SHPRH: variants seen among roughly 807,000 people sequenced by gnomAD.
SHPRH encodes SNF2 histone linker PHD RING helicase, also known as E3 ubiquitin-protein ligase SHPRH.
SHPRH carries 106 observed loss-of-function variants against 202.5 expected under a neutral mutation model. The observed-to-expected ratio is 0.52, with a 90% CI of 0.45 to 0.62. SHPRH has a LOEUF of 0.62. Ranked by LOEUF, SHPRH falls within the 20% of genes least tolerant of loss-of-function variation. The probability of loss-of-function intolerance (pLI) is 0.00; values close to 1 mark genes in which losing one functional copy is unlikely to be tolerated. For synonymous variants in SHPRH, 729 were observed against 686.0 expected, an observed-to-expected ratio of 1.06 and a Z score of -0.98; for missense variants, 1,710 against 2,020.0, an observed-to-expected ratio of 0.85 and a Z score of 2.94.
chr6:145,875,788 G>A (rs1780273837), intron 2 of SHPRH, among the ~76,000 whole-genome samples: 1 of 152,112 alleles, frequency 6.6e-6, no homozygotes, highest in Non-Finnish European at 1.5e-5. Flanking sequence ...ATTACAGCCC[G>A]CAATTCCAGA....
downstream of SHPRH, among the ~76,000 whole-genome samples, chr6:145,861,467 G>A (rs1779578626): frequency 6.6e-6 from 1 of 150,458 alleles, no homozygotes; most frequent in African/African-American, 2.4e-5. Context: ...TGAGAATGTA[G>A]AGAAAAGGAA....
At chr6:145,897,366 T>C (rs566547612) in intron 25 of SHPRH, among the ~76,000 whole-genome samples, 3 of 152,094 alleles carry the variant, frequency 2.0e-5, no homozygotes, top group Admixed American at 6.6e-5. Flanking sequence ...AAAAGACCAG[T>C]ATGTAGTAAC....
Position 145,893,210 on chromosome 6 carries a change from C to T in SHPRH, c.4874+5G>A. 6 of 1,485,318 alleles carry T rather than the reference C, an allele frequency of 4.0e-6. No homozygotes were observed. The highest frequency in any genetic ancestry group is 2.5e-5 in the Admixed American group (1 of 39,794). The allele number at this position is 1,485,318 out of a possible 1,614,324, so 92.0% of individuals were successfully genotyped here. On this transcript the variant is annotated splice_donor_5th_base_variant and intron_variant, in intron 28 of 29. Coordinates refer to ENST00000275233, the MANE Select transcript of SHPRH (RefSeq NM_001042683.3). ...AATGTGACTGATTCTAATTTTAGTC[C>T]TTACTTTGTCTGTCCAATTCGGTGC... is the stretch of plus-strand genomic sequence containing the variant.
intron 14 of SHPRH, among the ~76,000 whole-genome samples, chr6:145,931,146 G>A (rs922029241): frequency 6.6e-6 from 1 of 151,992 alleles, no homozygotes; most frequent in African/African-American, 2.4e-5. Flanking sequence ...TTCTTATAGA[G>A]AACATATTGA....
chr6:145,959,520 T>C (rs1788871737), intron 1 of SHPRH, among the ~76,000 whole-genome samples: 1 of 151,994 alleles, frequency 6.6e-6, no homozygotes, highest in African/African-American at 2.4e-5. Flanking sequence ...ACTCTTAAGA[T>C]GTTCACACAA....
intron 25 of SHPRH, chr6:145,905,207 G>A (rs1294549599): frequency 1.3e-5 from 2 of 152,302 alleles, no homozygotes; most frequent in East Asian, 1.9e-4. Flanking sequence ...CCCTTGAGAT[G>A]CTGTGGCCAG....
At chr6:145,922,413 G>A in intron 19 of SHPRH, 65 bp from the exon 20 acceptor site, 10 of 1,490,320 alleles carry the variant, frequency 6.7e-6, no homozygotes, top group Non-Finnish European at 9.0e-6. Context: ...ATTTTAAGGA[G>A]AAGCTTAATA....
intron 14 of SHPRH, among the ~76,000 whole-genome samples, chr6:145,928,545 T>A (rs1460123449): frequency 1.3e-5 from 2 of 151,952 alleles, no homozygotes; most frequent in Non-Finnish European, 2.9e-5. Flanking sequence ...TATATATATA[T>A]ATGCAAACCT....
chr6:145,867,590 T>A (rs1779832056), intron 2 of SHPRH, among the ~76,000 whole-genome samples: 1 of 52,738 alleles, frequency 1.9e-5, no homozygotes, highest in Non-Finnish European at 3.7e-5. Context: ...CACGCTGTCT[T>A]CAAAAAAGAA....
chr6:145,920,296 T>C (rs760864725), intron 21 of SHPRH, among the ~76,000 whole-genome samples: 7 of 152,038 alleles, frequency 4.6e-5, no homozygotes, highest in African/African-American at 1.2e-4. Context: ...GTGGCCAAAC[T>C]GAGTCGAAAG....
downstream of SHPRH, chr6:145,883,627 T>C (rs1173598925): frequency 1.3e-5 from 2 of 152,258 alleles, no homozygotes; most frequent in Non-Finnish European, 2.9e-5. Context: ...ACAGAGATTC[T>C]TGTAAACAGA....
At chr6:145,910,358 TG>T in intron 25 of SHPRH, 89 bp downstream of exon 25, 1 of 1,432,820 alleles carries the variant, frequency 7.0e-7, no homozygotes, top group Non-Finnish European at 9.6e-7. Context: ...CTGTCAAGCT[TG>T]TTCTGATGTT....
At chr6:145,888,864 A>T (rs1024598521) in intron 28 of SHPRH, among the ~76,000 whole-genome samples, 1 of 152,188 alleles carries the variant, frequency 6.6e-6, no homozygotes, top group Non-Finnish European at 1.5e-5. Flanking sequence ...TTGGAGGTAG[A>T]GCTGACAAAA....
intron 2 of SHPRH, among the ~76,000 whole-genome samples, chr6:145,953,321 A>T (rs894352898): frequency 6.6e-6 from 1 of 152,104 alleles, no homozygotes; most frequent in African/African-American, 2.4e-5. Context: ...GTGATGTCTT[A>T]CTACAGCAGC....
At chr6:145,924,616 A>ATG (rs1562326767) in intron 17 of SHPRH, 123 bp downstream of exon 17, 1 of 673,306 alleles carries the variant, frequency 1.5e-6, no homozygotes, top group African/African-American at 1.8e-5. Context: ...GGGTCAGGCA[A>ATG]TGTGCTAGGT....
At chr6:145,864,741 C>A (rs1008039751) in intron 2 of SHPRH, among the ~76,000 whole-genome samples, 12 of 151,258 alleles carry the variant, frequency 7.9e-5, no homozygotes, top group Non-Finnish European at 2.9e-5. Context: ...AAGTAAAAAG[C>A]CCAAAGGGAT....
In SHPRH at chr6:145,915,624, T is replaced by C. The variant is rs142611177; in HGVS notation, c.4255-2075A>G. On this transcript the variant is annotated intron_variant, in intron 23 of 29. Transcript: ENST00000275233. ...GATGTTCCAATGTCAACTGGTTACATAGAGAAACTATGGAAAATACCGAAA... is the reference window on the plus strand; with the variant it reads ...GATGTTCCAATGTCAACTGGTTACACAGAGAAACTATGGAAAATACCGAAA... Among the ~76,000 whole-genome samples the C allele has an allele frequency of 4.6e-5, 7 of 152,210 alleles. No homozygotes were observed. In the East Asian group the frequency reaches 9.6e-4, roughly 21 times the overall value.
Position 145,954,721 on chromosome 6 carries a change from T to A in SHPRH, c.602A>T (p.Tyr201Phe). 6.3e-7 allele frequency: 1 copy of A among 1,593,508 alleles called. No individual in the cohort carries two copies. The highest frequency in any genetic ancestry group is 8.5e-7 in the Non-Finnish European group (1 of 1,174,526). ...WLQKKRRIKL[Y>F]QKPEGNHIIK... ...AATGTGATTTCCTTCTGGTTTCTGATAGAGTTTTATTCTTCTCTTCTTTTG... is the reference window on the plus strand; with the variant it reads ...AATGTGATTTCCTTCTGGTTTCTGAAAGAGTTTTATTCTTCTCTTCTTTTG... The change falls in exon 2 of 30, where the codon TAT (tyrosine) becomes TTT (phenylalanine). Residue 201 changes from tyrosine (Y) to phenylalanine (F), a missense_variant. Physicochemically the swap from Tyr to Phe is conservative, Grantham distance 22. Coordinates refer to ENST00000275233, the MANE Select transcript of SHPRH (RefSeq NM_001042683.3).
At position 145,948,343 on chromosome 6, in the gene SHPRH, G is replaced by C; in HGVS notation, c.990C>G (p.Ala330=). The change falls in exon 5 of 30, where the codon GCC becomes GCG. Residue 330 remains alanine (A), a synonymous_variant. Transcript: ENST00000275233. ...CAATCTCTCGCCATAAGAAGTGCAG[G>C]GCACTTTCTAAAGAAAAATATAATC... The part of the protein sequence containing the change: ...CFRSSPATES[A]LHFLWREIVT... 6.3e-7 allele frequency: 1 copy of C among 1,598,142 alleles called. No individual in the cohort carries two copies. Among genetic ancestry groups the C allele is most frequent in the Non-Finnish European group, 8.5e-7 (1 of 1,171,956 alleles).
Sources: gnomAD v4.1 joint callset for allele counts (sites outside exome capture counted in the v4.1 genomes callset) on GRCh38, gnomAD v4.1.1 for gene constraint, MANE v1.5 for transcripts, NCBI Gene and HGNC (gene_info 2026-07-23, HGNC 2026-07-21) for gene names.